ANK3: variants seen among roughly 807,000 people sequenced by gnomAD.
ANK3 encodes the protein ankyrin-3.
A neutral mutation model predicts 370.9 loss-of-function variants in ANK3; 57 were observed. The ratio of observed to expected loss-of-function variants is 0.15; its 90% CI spans 0.12 to 0.19. The LOEUF is 0.19. Ranked by LOEUF, ANK3 falls within the 10% of genes least tolerant of loss-of-function variation. ANK3 has a pLI of 1.00. For synonymous variants in ANK3, 1,929 were observed against 1,946.3 expected, an observed-to-expected ratio of 0.99 and a Z score of 0.23; for missense variants, 4,439 against 5,302.1, an observed-to-expected ratio of 0.84 and a Z score of 5.06.
intron 1 of ANK3, among the ~76,000 whole-genome samples, chr10:60,295,542 C>T (rs373512923): frequency 3.2e-4 from 49 of 152,246 alleles, no homozygotes; most frequent in African/African-American, 9.9e-4. Context: ...ACTGAACCCA[C>T]GAACTTGACC....
chr10:60,639,480 AT>A (rs2078600043), intron 1 of ANK3, among the ~76,000 whole-genome samples: 1 of 151,380 alleles, frequency 6.6e-6, no homozygotes, highest in South Asian at 2.1e-4. Flanking sequence ...ATATATATTT[AT>A]ATTTTAAGTT....
At chr10:60,541,289 C>A (rs2076842505) in intron 2 of ANK3, among the ~76,000 whole-genome samples, 1 of 151,888 alleles carries the variant, frequency 6.6e-6, no homozygotes, top group Admixed American at 6.6e-5. Context: ...TTTTCATTTT[C>A]TGATTTGTTG....
Position 60,075,639 on chromosome 10 carries a change from C to A in ANK3, c.5242G>T (p.Ala1748Ser). The change falls in exon 37 of 44, where the codon GCT becomes TCT. Residue 1748 changes from alanine to serine, a missense_variant. Physicochemically the swap from Ala to Ser is moderately conservative, Grantham distance 99. Around this residue, in one of 13 missense-constraint regions of ANK3, gnomAD observed 679 missense variants for 791.0 expected, o/e 0.86. Transcript: ENST00000280772. ...TATLQEKISS[A>S]TNSVSSVVSA... ...ACCACAGAGCTCACAGAGTTTGTAG[C>A]AGAAGAAATTTTTTCCTGTAACGTG... The A allele has an allele frequency of 6.2e-7, 1 of 1,614,086 alleles. No individual in the cohort carries two copies. Among genetic ancestry groups the A allele is most frequent in the Non-Finnish European group, 8.5e-7 (1 of 1,180,008 alleles).
intron 2 of ANK3, among the ~76,000 whole-genome samples, chr10:60,435,344 C>T (rs1178901301): frequency 1.3e-5 from 2 of 152,022 alleles, no homozygotes; most frequent in Non-Finnish European, 2.9e-5. Flanking sequence ...TAAACTGTTG[C>T]CTTAAAAGAC....
In ANK3 at chr10:60,051,808, C is replaced by A. The variant is rs528888676; in HGVS notation, c.13065+3850G>T. On this transcript the variant is annotated intron_variant, in intron 42 of 43. Transcript: ENST00000280772. ...GCATGTGTGTGTGTGTGTGTGTGTA[C>A]AGGTAAAGATCAAGGTAGTTATAAG... Among the ~76,000 whole-genome samples the A allele has an allele frequency of 2.8e-5, 4 of 143,414 alleles. No homozygotes were observed. The Admixed American group carries it at 2.8e-4, about 10-fold the overall frequency. The allele number at this position is 143,414 out of a possible 152,430, so 94.1% of individuals were successfully genotyped here. A position where few individuals can be genotyped will look rare whatever the true frequency, so the allele number is the denominator to read the frequency against.
intron 7 of ANK3, among the ~76,000 whole-genome samples, chr10:60,240,306 A>ATATATATATATATATTTTT (rs11282162): frequency 8.3e-6 from 1 of 119,772 alleles, no homozygotes; most frequent in Non-Finnish European, 1.7e-5. Flanking sequence ...ATATATATAT[A>ATATATATATATATATTTTT]TTTTTTTTTC....
intron 2 of ANK3, among the ~76,000 whole-genome samples, chr10:60,527,024 A>G (rs2076489709): frequency 6.6e-6 from 1 of 152,136 alleles, no homozygotes; most frequent in Non-Finnish European, 1.5e-5. Context: ...TCTAATAAAT[A>G]TCCATGTCTT....
intron 8 of ANK3, among the ~76,000 whole-genome samples, chr10:60,214,989 G>A (rs1290936762): frequency 6.6e-6 from 1 of 152,156 alleles, no homozygotes; most frequent in African/African-American, 2.4e-5. Flanking sequence ...CAGTGTAAAA[G>A]TATTCCTATT....
At chr10:60,607,232 C>G (rs2078140404) in intron 2 of ANK3, among the ~76,000 whole-genome samples, 1 of 152,072 alleles carries the variant, frequency 6.6e-6, no homozygotes, top group Non-Finnish European at 1.5e-5. Flanking sequence ...GTGTTATAAA[C>G]CATCCCATAA....
At chr10:60,220,108 G>A (rs2097018255) in intron 8 of ANK3, among the ~76,000 whole-genome samples, 1 of 152,076 alleles carries the variant, frequency 6.6e-6, no homozygotes, top group African/African-American at 2.4e-5. Flanking sequence ...AAAACCTGAA[G>A]ACATCTGATG....
intron 1 of ANK3, chr10:60,684,972 G>T: frequency 6.4e-7 from 1 of 1,556,134 alleles, no homozygotes; most frequent in South Asian, 1.1e-5. Flanking sequence ...CAGGTGAACT[G>T]AGCTCATCAA....
upstream of ANK3, among the ~76,000 whole-genome samples, chr10:60,391,016 C>T (rs2063060232): frequency 6.6e-6 from 1 of 152,102 alleles, no homozygotes; most frequent in South Asian, 2.1e-4. Context: ...AGTGTGAGTT[C>T]CTGCAAACAA....
At chr10:60,311,625 C>A (rs1320341987) in intron 1 of ANK3, among the ~76,000 whole-genome samples, 2 of 152,104 alleles carry the variant, frequency 1.3e-5, no homozygotes, top group South Asian at 4.1e-4. Flanking sequence ...TCACCTAGTA[C>A]GTCTCCCCTC....
In ANK3 at chr10:60,105,905, C is replaced by T; in HGVS notation, c.3328G>A (p.Glu1110Lys). ...LTELLNGMDE[E>K]LDSPEELGKK... is the part of the protein sequence containing the mutation. ...AGAACCAAGGAGCCATCATTATTAC[C>T]TTCATCCATGCCATTAAGTAACTCG... Residue 1110 changes from glutamate (E) to lysine (K), a missense_variant and splice_region_variant, in exon 28 of 44, where the codon GAA (glutamate) becomes AAA (lysine). Coordinates refer to ENST00000280772, the MANE Select transcript of ANK3 (RefSeq NM_020987.5). The T allele has an allele frequency of 6.2e-7, 1 of 1,607,272 alleles. No individual in the cohort carries two copies. Among genetic ancestry groups the T allele is most frequent in the Non-Finnish European group, 8.5e-7 (1 of 1,177,442 alleles).
At chr10:60,320,842 C>T (rs2048478442) in intron 1 of ANK3, among the ~76,000 whole-genome samples, 1 of 152,036 alleles carries the variant, frequency 6.6e-6, no homozygotes, top group Non-Finnish European at 1.5e-5. Flanking sequence ...CTCCCTTCTC[C>T]ACCACCCCAT....
At chr10:60,724,599 T>C (rs2079915198) in intron 1 of ANK3, among the ~76,000 whole-genome samples, 1 of 152,212 alleles carries the variant, frequency 6.6e-6, no homozygotes, top group Admixed American at 6.5e-5. Flanking sequence ...TCTAATTCTG[T>C]AAAAACTGGT....
chr10:60,186,737 G>T lies in ANK3; in HGVS notation c.2063C>A (p.Ala688Glu), dbSNP rs769188895. Residue 688 changes from alanine (A) to glutamate (E), a missense_variant, in exon 17 of 44, where the codon GCG (alanine) becomes GAG (glutamate). Physicochemically the swap from Ala to Glu is moderately radical, Grantham distance 107. This residue lies in a region of ANK3 where 192 missense variants were observed against 192.1 expected (regional missense o/e 1.00). Coordinates refer to ENST00000280772, the MANE Select transcript of ANK3 (RefSeq NM_020987.5). The part of the protein sequence containing the change: ...DMVSLLLGRN[A>E]NVNLSNKSGL... ...TACCTTATTGCTCAGGTTCACATTC[G>T]CATTTCTACCGAGGAGCAGCGACAC... is the stretch of plus-strand genomic sequence containing the variant. 1 of 1,613,920 alleles carries T rather than the reference G, an allele frequency of 6.2e-7. No individual in the cohort carries two copies. The highest frequency in any genetic ancestry group is 8.5e-7 in the Non-Finnish European group (1 of 1,179,918).
chr10:60,318,193 A>G (rs2047878037), intron 1 of ANK3, among the ~76,000 whole-genome samples: 1 of 152,112 alleles, frequency 6.6e-6, no homozygotes, highest in African/African-American at 2.4e-5. Flanking sequence ...GCACTTATCA[A>G]CCCATCACCT....
At chr10:60,237,930 T>C (rs1409565603) in intron 7 of ANK3, among the ~76,000 whole-genome samples, 1 of 152,140 alleles carries the variant, frequency 6.6e-6, no homozygotes, top group East Asian at 1.9e-4. Flanking sequence ...AAACAGCTAA[T>C]CAGAGGCAGA....
Sources: allele counts gnomAD v4.1 joint callset (sites outside exome capture counted in the v4.1 genomes callset), GRCh38; gene constraint gnomAD v4.1.1; regional missense constraint gnomAD v4.1.1; transcripts MANE v1.5; gene names NCBI Gene and HGNC (gene_info 2026-07-23, HGNC 2026-07-21).